Variants in CPZ observed in about 807,000 individuals in gnomAD.
CPZ encodes the protein VEZT/CPZ fusion.
In CPZ, 103 loss-of-function variants were observed where a neutral mutation model predicts 61.8. That is an observed-to-expected ratio of 1.67 (90% confidence interval 1.42 to 1.96). CPZ has a LOEUF of 1.96. CPZ is among the 30% of genes most tolerant of loss of function. The pLI is 0.00. For missense variants in CPZ, 1,461 were observed against 914.9 expected (o/e 1.60, Z -7.70); for synonymous variants, 551 against 373.7 (o/e 1.47, Z -5.47).
At chr4:8,596,682 A>C (rs945103893) in intron 1 of CPZ, among the ~76,000 whole-genome samples, 7 of 152,212 alleles carry the variant, frequency 4.6e-5, no homozygotes, top group African/African-American at 1.7e-4. Flanking sequence ...ACACATGAGG[A>C]AACTGAGGCA....
At chr4:8,619,054 G>A (rs746874779) in intron 10 of CPZ, among the ~76,000 whole-genome samples, 1 of 152,156 alleles carries the variant, frequency 6.6e-6, no homozygotes, top group African/African-American at 2.4e-5. Context: ...TTTCAGAGAA[G>A]AGGGGTGCCT....
At chr4:8,609,109 T>TCCTCACTC (rs796194782) in intron 7 of CPZ, among the ~76,000 whole-genome samples, 1 of 36,738 alleles carries the variant, frequency 2.7e-5, no homozygotes, top group Non-Finnish European at 8.4e-5. Context: ...CTCACTCCCT[T>TCCTCACTC]CCTCACTCCC....
intron 10 of CPZ, 30 bp downstream of exon 10, chr4:8,618,558 A>C: frequency 6.4e-7 from 1 of 1,553,376 alleles, no homozygotes; most frequent in South Asian, 1.2e-5. Context: ...TCCCCTGGGG[A>C]CCACGTCTGC....
intron 9 of CPZ, 96 bp downstream of exon 9, chr4:8,614,594 C>T (rs1445186946): frequency 1.6e-6 from 2 of 1,288,778 alleles, no homozygotes; most frequent in African/African-American, 1.5e-5. Flanking sequence ...GCCTCACTGC[C>T]CCATACACAC....
At chr4:8,619,169 T>G in intron 10 of CPZ, 93 bp from the exon 11 acceptor site, 1 of 1,148,396 alleles carries the variant, frequency 8.7e-7, no homozygotes, top group Non-Finnish European at 1.2e-6. Context: ...CTGCCTCCCA[T>G]GCTAACCTCT....
At chr4:8,611,632 C>A (rs1431494078) in intron 7 of CPZ, among the ~76,000 whole-genome samples, 1 of 152,180 alleles carries the variant, frequency 6.6e-6, no homozygotes, top group Non-Finnish European at 1.5e-5. Flanking sequence ...GAAAATGCAG[C>A]CCACCCTTGC....
At chr4:8,594,834 G>T (rs1040814067) in intron 1 of CPZ, among the ~76,000 whole-genome samples, 1 of 150,406 alleles carries the variant, frequency 6.6e-6, no homozygotes, top group Non-Finnish European at 1.5e-5. Context: ...GTGCAGTTGC[G>T]CAATCTCAGC....
chr4:8,593,664 T>C (rs1713963505), intron 1 of CPZ, among the ~76,000 whole-genome samples: 1 of 152,106 alleles, frequency 6.6e-6, no homozygotes, highest in African/African-American at 2.4e-5. Flanking sequence ...TGGGGCCGTG[T>C]GTGGGTTCAA....
At chr4:8,595,018 C>T (rs186020113) in intron 1 of CPZ, among the ~76,000 whole-genome samples, 25 of 152,302 alleles carry the variant, frequency 1.6e-4, no homozygotes, top group Admixed American at 7.8e-4. Flanking sequence ...GTGATCCACC[C>T]GCCTTGGCCT....
rs1359342515 is a variant in CPZ, at chr4:8,604,189, G to A, written c.709+1G>A. 3 of 1,545,764 alleles carry A rather than the reference G, an allele frequency of 1.9e-6. No homozygotes were observed. The highest frequency in any genetic ancestry group is 3.8e-5 in the Admixed American group (2 of 52,682). On this transcript the variant is annotated splice_donor_variant, in intron 4 of 10. Coordinates refer to ENST00000360986, the MANE Select transcript of CPZ (RefSeq NM_001014447.3). LOFTEE classifies it high-confidence loss of function. ...AGCCGCCCCGGCCAGCACGAGCTGAGTGAGTGCCCTTGGGAGAGCCTGGCC... is the reference window on the plus strand; with the variant it reads ...AGCCGCCCCGGCCAGCACGAGCTGAATGAGTGCCCTTGGGAGAGCCTGGCC...
Position 8,618,523 on chromosome 4 carries a change from C to G in CPZ, c.1598C>G (p.Thr533Ser). 6.2e-7 allele frequency: 1 copy of G among 1,613,616 alleles called. No homozygotes were observed. The highest frequency in any genetic ancestry group is 1.1e-5 in the South Asian group (1 of 91,070). ...GTCAAAGGCATTCGCCACGACATCA[C>G]CACAGGTGAGCACGTCCCTGGCTGT... ...ISVKGIRHDITTAPDGDYWRL... is the reference protein window; with the variant it reads ...ISVKGIRHDISTAPDGDYWRL... The change falls in exon 10 of 11, where the codon ACC becomes AGC. Residue 533 changes from threonine (T) to serine (S), a missense_variant. Physicochemically the swap from Thr to Ser is moderately conservative, Grantham distance 58. Coordinates refer to ENST00000360986, the MANE Select transcript of CPZ (RefSeq NM_001014447.3).
chr4:8,600,779 G>T (rs952915885), intron 2 of CPZ, among the ~76,000 whole-genome samples: 2 of 152,244 alleles, frequency 1.3e-5, no homozygotes, highest in Non-Finnish European at 2.9e-5. Flanking sequence ...GTGGCTCCTG[G>T]GTGGTCTGTG....
At chr4:8,612,798 A>C (rs1171838623) in intron 8 of CPZ, among the ~76,000 whole-genome samples, 1 of 152,196 alleles carries the variant, frequency 6.6e-6, no homozygotes, top group African/African-American at 2.4e-5. Context: ...CACAGATGAG[A>C]GCGCTGGGCT....
chr4:8,613,956 T>C (rs1371334447), intron 8 of CPZ, among the ~76,000 whole-genome samples: 1 of 152,226 alleles, frequency 6.6e-6, no homozygotes, highest in Non-Finnish European at 1.5e-5. Flanking sequence ...TGGGCTTTTC[T>C]GTTAGAAACC....
intron 5 of CPZ, 131 bp from the exon 6 acceptor site, chr4:8,606,606 G>A (rs1424535646): frequency 5.1e-6 from 6 of 1,169,788 alleles, no homozygotes; most frequent in South Asian, 1.4e-5. Context: ...GCATGCCCCC[G>A]AGCTCATCAC....
At chr4:8,601,094 G>C (rs1169161639) in intron 2 of CPZ, 29 bp from the exon 3 acceptor site, 1 of 1,549,310 alleles carries the variant, frequency 6.5e-7, no homozygotes, top group Admixed American at 1.8e-5. Context: ...ACTGCAGGAG[G>C]GACTGACCTG....
At chr4:8,615,785 C>A (rs1716113433) in intron 9 of CPZ, among the ~76,000 whole-genome samples, 1 of 152,220 alleles carries the variant, frequency 6.6e-6, no homozygotes, top group Non-Finnish European at 1.5e-5. Flanking sequence ...CCATGAGCCC[C>A]CTCCTTTCTA....
intron 10 of CPZ, 126 bp downstream of exon 10, chr4:8,618,654 A>G: frequency 2.3e-6 from 2 of 864,836 alleles, no homozygotes; most frequent in Non-Finnish European, 3.6e-6. Flanking sequence ...ATTCCTCCCC[A>G]GGCTGGCTGG....
chr4:8,603,729 C>A, intron 3 of CPZ: 1 of 564,636 alleles, frequency 1.8e-6, no homozygotes, highest in East Asian at 3.0e-5. Flanking sequence ...CCCACAGTGG[C>A]CCCATAGTAT....
Sources: gnomAD v4.1 joint callset for allele counts (sites outside exome capture counted in the v4.1 genomes callset) on GRCh38, gnomAD v4.1.1 for gene constraint, MANE v1.5 for transcripts, NCBI Gene and HGNC (gene_info 2026-07-23, HGNC 2026-07-21) for gene names.